Variants in SOX6 observed in about 807,000 individuals in gnomAD.
The protein encoded by SOX6 is SRY-box transcription factor 6.
Under a neutral mutation model 97.8 loss-of-function variants are expected in SOX6, and 11 were observed. That is an observed-to-expected ratio of 0.11 (90% CI 0.07 to 0.19). The LOEUF (loss-of-function observed/expected upper bound fraction) is 0.19. SOX6 is among the 10% of genes least tolerant of loss of function. SOX6 has a pLI of 1.00. For synonymous variants in SOX6, 360 were observed against 371.4 expected, an observed-to-expected ratio of 0.97 and a Z score of 0.35; for missense variants, 810 against 1,039.5, an observed-to-expected ratio of 0.78 and a Z score of 3.04.
intron 6 of SOX6, among the ~76,000 whole-genome samples, chr11:16,115,173 G>A (rs569017179): frequency 4.3e-4 from 66 of 152,276 alleles, no homozygotes; most frequent in Non-Finnish European, 8.4e-4. Context: ...GAAAGCAAGA[G>A]TAATGACAGA....
intron 6 of SOX6, among the ~76,000 whole-genome samples, chr11:16,134,277 A>C (rs918639032): frequency 4.6e-5 from 7 of 152,220 alleles, no homozygotes; most frequent in African/African-American, 1.4e-4. Context: ...TCCTACTTTT[A>C]ACCATTGTTC....
chr11:16,051,729 G>A (rs943500305), intron 10 of SOX6, among the ~76,000 whole-genome samples: 1 of 152,008 alleles, frequency 6.6e-6, no homozygotes, highest in African/African-American at 2.4e-5. Flanking sequence ...GGCTCACTGA[G>A]CTTCTAAAAA....
At chr11:16,537,469 A>G (rs1861326991) in intron 4 of SOX6, among the ~76,000 whole-genome samples, 1 of 152,184 alleles carries the variant, frequency 6.6e-6, no homozygotes, top group African/African-American at 2.4e-5. Flanking sequence ...TGGATGGAGA[A>G]TGAGTTTGAA....
intron 13 of SOX6, among the ~76,000 whole-genome samples, 171 bp from the exon 14 acceptor site, chr11:15,989,401 G>T (rs1393374125): frequency 1.3e-5 from 2 of 152,144 alleles, no homozygotes; most frequent in Middle Eastern, 3.2e-3. Flanking sequence ...AGGCTCTTCT[G>T]ATGTAGCCCT....
At chr11:16,049,020 C>T (rs1056782705) in intron 11 of SOX6, among the ~76,000 whole-genome samples, 1 of 152,096 alleles carries the variant, frequency 6.6e-6, no homozygotes, top group Non-Finnish European at 1.5e-5. Flanking sequence ...TTCTAAACTG[C>T]ACTAGGCATT....
intron 3 of SOX6, among the ~76,000 whole-genome samples, chr11:16,258,512 A>G (rs1283177366): frequency 6.6e-6 from 1 of 152,052 alleles, no homozygotes; most frequent in Non-Finnish European, 1.5e-5. Context: ...AAAAAATAAA[A>G]CTATGAAGAT....
intron 2 of SOX6, among the ~76,000 whole-genome samples, chr11:16,728,650 T>C (rs1302367529): frequency 2.0e-5 from 3 of 152,028 alleles, no homozygotes; most frequent in East Asian, 1.9e-4. Context: ...TGCTGAAAAT[T>C]CCAAAAACCA....
At chr11:16,250,875 T>C (rs958645888) in intron 3 of SOX6, among the ~76,000 whole-genome samples, 4 of 152,066 alleles carry the variant, frequency 2.6e-5, no homozygotes, top group Non-Finnish European at 4.4e-5. Context: ...ATACATTTTG[T>C]TCAAGTGCAC....
intron 4 of SOX6, among the ~76,000 whole-genome samples, chr11:16,544,677 G>C (rs1847595284): frequency 6.6e-6 from 1 of 152,100 alleles, no homozygotes; most frequent in South Asian, 2.1e-4. Context: ...ATTTTCTAAA[G>C]TGGTGAGTTT....
At chr11:16,489,061 A>G (rs373843437) in intron 4 of SOX6, among the ~76,000 whole-genome samples, 14 of 152,284 alleles carry the variant, frequency 9.2e-5, no homozygotes, top group East Asian at 7.7e-4. Flanking sequence ...TTTTTAAAAA[A>G]TAATAAAAGA....
At chr11:16,138,023 C>A (rs902028201) in intron 6 of SOX6, among the ~76,000 whole-genome samples, 1 of 152,156 alleles carries the variant, frequency 6.6e-6, no homozygotes, top group African/African-American at 2.4e-5. Context: ...GTCTTCATAG[C>A]AGCATGAGAA....
intron 1 of SOX6, among the ~76,000 whole-genome samples, chr11:16,409,179 T>C (rs1339482026): frequency 6.6e-6 from 1 of 151,684 alleles, no homozygotes; most frequent in Non-Finnish European, 1.5e-5. Context: ...TGAAAGATAA[T>C]CACCAAAATA....
chr11:16,482,141 G>A (rs934039091), intron 4 of SOX6, among the ~76,000 whole-genome samples: 12 of 152,144 alleles, frequency 7.9e-5, no homozygotes, highest in African/African-American at 2.4e-4. Flanking sequence ...GAGGCAGAAT[G>A]TTTTAATAGC....
At chr11:16,058,000 T>C (rs1349582078) in intron 9 of SOX6, among the ~76,000 whole-genome samples, 1 of 152,128 alleles carries the variant, frequency 6.6e-6, no homozygotes, top group Non-Finnish European at 1.5e-5. Flanking sequence ...GTTCAGTCTT[T>C]TCGATCCAAA....
At chr11:16,514,819 A>G (rs1860942145) in intron 4 of SOX6, among the ~76,000 whole-genome samples, 1 of 151,236 alleles carries the variant, frequency 6.6e-6, no homozygotes, top group Non-Finnish European at 1.5e-5. Flanking sequence ...TGCTTGCGAT[A>G]GTTTACTGAG....
rs79809933 is a variant in SOX6 at position 16,089,717 on chromosome 11, G to A, written c.1101+6279C>T. ...GCCAGCTCTAGTGGTCAGAAGTGAGGAGAAACCATCCAACTGTAGCTTCTC... is the reference window on the plus strand; with the variant it reads ...GCCAGCTCTAGTGGTCAGAAGTGAGAAGAAACCATCCAACTGTAGCTTCTC... On this transcript the variant is annotated intron_variant, in intron 9 of 15. Transcript: ENST00000683767. 7.6e-3 allele frequency among the ~76,000 whole-genome samples: 1,163 copies of A among 152,114 alleles called. 32 individuals carry two copies. Among genetic ancestry groups the A allele is most frequent in the East Asian group, 0.058 (301 of 5,162 alleles).
rs918786757 is a variant in SOX6, at chr11:16,263,947, G to A, written c.446-29276C>T. ...ACTTAAAATACATAGTCAAAATACT[G>A]GTCCAATGTTATTTAGGTAGTCCCA... On this transcript the variant is annotated intron_variant, in intron 3 of 15. Transcript: ENST00000683767. Among the ~76,000 whole-genome samples the A allele has an allele frequency of 2.0e-5, 3 of 151,722 alleles. No homozygotes were observed. The South Asian group carries it at 6.2e-4, about 32-fold the overall frequency.
intron 1 of SOX6, among the ~76,000 whole-genome samples, chr11:16,406,803 AG>A (rs774245919): frequency 6.6e-6 from 1 of 152,130 alleles, no homozygotes; most frequent in Non-Finnish European, 1.5e-5. Flanking sequence ...TGACTCCCAA[AG>A]TTCATCAGCA....
At chr11:16,250,440 C>A (rs189925900) in intron 3 of SOX6, among the ~76,000 whole-genome samples, 1 of 151,746 alleles carries the variant, frequency 6.6e-6, no homozygotes, top group Non-Finnish European at 1.5e-5. Flanking sequence ...TAGTAAAAAG[C>A]GAATGAAAAC....
Sources: gnomAD v4.1 joint callset for allele counts (sites outside exome capture counted in the v4.1 genomes callset) on GRCh38, gnomAD v4.1.1 for gene constraint, MANE v1.5 for transcripts, NCBI Gene and HGNC (gene_info 2026-07-23, HGNC 2026-07-21) for gene names.